TENM1: variants seen among roughly 807,000 people sequenced by gnomAD.
TENM1 encodes the protein teneurin-1.
A neutral mutation model predicts 174.8 loss-of-function variants in TENM1; 35 were observed. The observed-to-expected ratio is 0.20, with a 90% confidence interval of 0.15 to 0.27. TENM1 has a LOEUF of 0.27. Ranked by LOEUF, TENM1 falls within the 10% of genes least tolerant of loss-of-function variation. The pLI is 1.00. For synonymous variants in TENM1, 781 were observed against 798.7 expected, an observed-to-expected ratio of 0.98 and a Z score of 0.37; for missense variants, 1,633 against 2,130.1, an observed-to-expected ratio of 0.77 and a Z score of 4.59.
the TENM1 span, among the ~76,000 whole-genome samples, chrX:125,189,133 T>C: frequency 2.7e-5 from 3 of 112,134 alleles, no homozygotes; most frequent in East Asian, 8.5e-4. Flanking sequence ...TCTTCTCTGC[T>C]CACTTCTCCA....
intron 23 of TENM1, among the ~76,000 whole-genome samples, chrX:124,423,763 A>G (rs2060681065): frequency 9.0e-6 from 1 of 111,564 alleles, no homozygotes; most frequent in Admixed American, 9.5e-5. Flanking sequence ...TAATTCAGTA[A>G]GACTAATAAT....
the TENM1 span, among the ~76,000 whole-genome samples, chrX:125,149,746 T>C: frequency 2.7e-5 from 3 of 111,599 alleles, no homozygotes; most frequent in South Asian, 3.8e-4. Flanking sequence ...GACAGGACCA[T>C]TTTTTCACTT....
the TENM1 span, among the ~76,000 whole-genome samples, chrX:125,188,046 G>A: frequency 1.8e-5 from 2 of 111,986 alleles, no homozygotes; most frequent in Non-Finnish European, 1.9e-5. Flanking sequence ...AAAAGGCAGT[G>A]TGGGCCACAC....
At chrX:124,665,155 T>C (rs1247887898) in intron 6 of TENM1, among the ~76,000 whole-genome samples, 1 of 111,169 alleles carries the variant, frequency 9.0e-6, no homozygotes, top group Non-Finnish European at 1.9e-5. Context: ...CTGACCAACA[T>C]GAAGAAACCC....
At chrX:124,957,762 G>A (rs2058598661) in intron 1 of TENM1, among the ~76,000 whole-genome samples, 1 of 111,107 alleles carries the variant, frequency 9.0e-6, no homozygotes, top group African/African-American at 3.3e-5. Context: ...AAATGTTTGT[G>A]TCATCTGTAA....
the TENM1 span, among the ~76,000 whole-genome samples, chrX:125,068,336 C>T: frequency 9.0e-6 from 1 of 111,326 alleles, no homozygotes; most frequent in African/African-American, 3.3e-5. Context: ...TTTGTTTAAT[C>T]TGGAAAGACA....
chrX:124,765,592 T>A (rs934341023), intron 3 of TENM1, among the ~76,000 whole-genome samples: 2 of 112,342 alleles, frequency 1.8e-5, no homozygotes, highest in Non-Finnish European at 3.8e-5. Context: ...CTTTTTCAAA[T>A]GAATGATTTG....
the TENM1 span, among the ~76,000 whole-genome samples, chrX:125,072,634 T>C: frequency 9.0e-6 from 1 of 111,115 alleles, no homozygotes; most frequent in African/African-American, 3.3e-5. Context: ...GGGAAAGAAA[T>C]TGCACACCAA....
At chrX:124,523,692 G>T in intron 16 of TENM1, 67 bp from the exon 20 acceptor site, 1 of 1,090,973 alleles carries the variant, frequency 9.2e-7, no homozygotes, top group Non-Finnish European at 1.2e-6. Context: ...TTAAAAAATA[G>T]GTTAATTTCA....
chrX:124,611,901 A>G (rs1254612354), intron 11 of TENM1, among the ~76,000 whole-genome samples: 1 of 112,350 alleles, frequency 8.9e-6, no homozygotes, highest in African/African-American at 3.2e-5. Context: ...TTTGAACTCC[A>G]CAGCTGCCTC....
In TENM1 at chrX:124,920,142, C is replaced by G. The variant is rs571412485; in HGVS notation, c.218-23901G>C. On this transcript the variant is annotated intron_variant, in intron 1 of 31. Transcript: ENST00000422452. ...CGGATTAATGAAAATTCCTCATTCC[C>G]TAAACATCATGCTGACTGAAAGGTT... 1.4e-4 allele frequency among the ~76,000 whole-genome samples: 16 copies of G among 111,514 alleles called. No individual in the cohort carries two copies. In the South Asian group the frequency reaches 6.0e-3, roughly 42 times the overall value.
intron 3 of TENM1, among the ~76,000 whole-genome samples, chrX:124,857,623 T>C (rs954378876): frequency 9.0e-6 from 1 of 111,110 alleles, no homozygotes; most frequent in Non-Finnish European, 1.9e-5. Context: ...GTGTAAAGGG[T>C]TTTTGTGAGG....
chrX:124,704,990 G>A (rs1375420875), intron 5 of TENM1, 23 bp downstream of exon 8: 3 of 1,133,844 alleles, frequency 2.6e-6, no homozygotes, highest in Admixed American at 4.5e-5. Context: ...GAACAAAACT[G>A]AGGCATGACA....
chrX:124,664,918 A>T (rs964072523), intron 6 of TENM1, among the ~76,000 whole-genome samples: 16 of 111,722 alleles, frequency 1.4e-4, no homozygotes, highest in African/African-American at 5.2e-4. Context: ...GAAAAAGCCC[A>T]AGGAAGGGTG....
chrX:124,870,368 C>A (rs934557586), intron 3 of TENM1, among the ~76,000 whole-genome samples: 1 of 111,142 alleles, frequency 9.0e-6, no homozygotes, highest in Non-Finnish European at 1.9e-5. Context: ...TGGAAACAGA[C>A]AATAAACAAT....
chrX:124,573,191 G>A (rs1204208591), intron 11 of TENM1, among the ~76,000 whole-genome samples: 1 of 111,756 alleles, frequency 8.9e-6, no homozygotes, highest in African/African-American at 3.2e-5. Context: ...AGAGATCCAT[G>A]CCTGAATATG....
rs759830962 is a variant in TENM1 at position 124,910,924 on chromosome X, T to G, written c.218-14683A>C. ...GCCAAATTATATATTATAATTTTTT[T>G]TTTTTTTGAGACAGGGTCTTGCTCT... On this transcript the variant is annotated intron_variant, in intron 1 of 31. Transcript: ENST00000422452. Among the ~76,000 whole-genome samples, 885 of 109,701 alleles carry G rather than the reference T, an allele frequency of 8.1e-3. 4 individuals are homozygous for G. Among genetic ancestry groups the G allele is most frequent in the Non-Finnish European group, 0.013 (670 of 52,584 alleles).
chrX:125,026,484 CCT>C, the TENM1 span, among the ~76,000 whole-genome samples: 1 of 111,404 alleles, frequency 9.0e-6, no homozygotes, highest in East Asian at 2.8e-4. Context: ...GAAATAAACC[CCT>C]GTCTATATAA....
chrX:124,678,646 A>C (rs1271221792), intron 5 of TENM1, among the ~76,000 whole-genome samples: 3 of 111,531 alleles, frequency 2.7e-5, no homozygotes, highest in Non-Finnish European at 5.7e-5. Flanking sequence ...GCAATTAAAT[A>C]TGAACAGTTC....
Sources: allele counts gnomAD v4.1 joint callset (sites outside exome capture counted in the v4.1 genomes callset), GRCh38; gene constraint gnomAD v4.1.1; transcripts MANE v1.5; gene names NCBI Gene and HGNC (gene_info 2026-07-23, HGNC 2026-07-21).